GRIK1: variants seen among roughly 807,000 people sequenced by gnomAD.
The protein encoded by GRIK1 is glutamate receptor ionotropic, kainate 1.
In GRIK1, 69 loss-of-function variants were observed where a neutral mutation model predicts 105.7. The observed-to-expected ratio is 0.65, with a 90% confidence interval of 0.54 to 0.80. GRIK1 has a LOEUF of 0.80. Among genes scored for constraint, GRIK1 ranks in the 30% least tolerant of loss-of-function variants. The pLI is 0.00. For missense variants in GRIK1, 1,109 were observed against 1,167.3 expected (o/e 0.95, Z 0.73); for synonymous variants, 438 against 431.3 (o/e 1.02, Z -0.19).
intron 16 of GRIK1, 68 bp from the exon 17 acceptor site, chr21:29,537,952 G>T: frequency 1.3e-6 from 1 of 755,174 alleles, no homozygotes; most frequent in Non-Finnish European, 2.2e-6. Context: ...AGAGATTCTG[G>T]CAGCAGCAAT....
At chr21:29,633,964 C>A (rs989855536) in intron 7 of GRIK1, among the ~76,000 whole-genome samples, 1 of 152,128 alleles carries the variant, frequency 6.6e-6, no homozygotes, top group Non-Finnish European at 1.5e-5. Flanking sequence ...TCCTGGCAAT[C>A]GAGATCAAAT....
chr21:29,574,686 T>C (rs1296379171), intron 14 of GRIK1, among the ~76,000 whole-genome samples: 3 of 127,346 alleles, frequency 2.4e-5, no homozygotes, highest in African/African-American at 1.0e-4. Flanking sequence ...TACACTTCTT[T>C]TTTTTTTTTT....
chr21:29,915,078 A>G (rs1223775544), intron 1 of GRIK1, among the ~76,000 whole-genome samples: 2 of 151,252 alleles, frequency 1.3e-5, no homozygotes, highest in African/African-American at 2.5e-5. Flanking sequence ...ATGACTGTCA[A>G]TTAATTAATG....
intron 12 of GRIK1, among the ~76,000 whole-genome samples, chr21:29,586,771 A>G (rs2091138941): frequency 6.6e-6 from 1 of 152,242 alleles, no homozygotes; most frequent in African/African-American, 2.4e-5. Context: ...AATCATCTTA[A>G]TGATAGCACA....
At chr21:29,748,738 A>G (rs527371874) in intron 1 of GRIK1, 1 of 152,372 alleles carries the variant, frequency 6.6e-6, no homozygotes, top group South Asian at 2.1e-4. Flanking sequence ...AGCTACTGGT[A>G]GAAACAATTG....
intron 4 of GRIK1, 91 bp from the exon 5 acceptor site, chr21:29,654,954 T>G: frequency 1.2e-6 from 1 of 844,006 alleles, no homozygotes. Flanking sequence ...CTTGGAAACA[T>G]AGAACAGGAA....
intron 1 of GRIK1, among the ~76,000 whole-genome samples, chr21:29,867,918 A>AAG (rs1238378576): frequency 0.026 from 3,302 of 127,316 alleles, 119 homozygotes; most frequent in African/African-American, 0.085. Flanking sequence ...AAGAGAGAGA[A>AAG]AGAGAGAAAG....
At chr21:29,770,920 T>C (rs2065797325) in intron 1 of GRIK1, among the ~76,000 whole-genome samples, 1 of 152,224 alleles carries the variant, frequency 6.6e-6, no homozygotes, top group Non-Finnish European at 1.5e-5. Flanking sequence ...ATGTTCTTAT[T>C]ATTAAGTCTT....
At chr21:29,895,248 G>T (rs2070094182) in intron 1 of GRIK1, among the ~76,000 whole-genome samples, 1 of 152,164 alleles carries the variant, frequency 6.6e-6, no homozygotes, top group African/African-American at 2.4e-5. Flanking sequence ...CCAGGGGTAG[G>T]TTCACAGATG....
intron 6 of GRIK1, among the ~76,000 whole-genome samples, chr21:29,643,781 T>C (rs538895543): frequency 1.3e-4 from 20 of 152,352 alleles, no homozygotes; most frequent in African/African-American, 4.8e-4. Flanking sequence ...AGGGTTTCAT[T>C]GCAACTTCAA....
At chr21:29,923,273 T>C (rs2071249005) in intron 1 of GRIK1, among the ~76,000 whole-genome samples, 1 of 152,220 alleles carries the variant, frequency 6.6e-6, no homozygotes, top group South Asian at 2.1e-4. Flanking sequence ...AGTTGCAAGC[T>C]TTTCTCAGGC....
intron 13 of GRIK1, among the ~76,000 whole-genome samples, chr21:29,578,025 C>A (rs905684238): frequency 1.3e-5 from 2 of 152,172 alleles, no homozygotes; most frequent in Non-Finnish European, 2.9e-5. Context: ...AGTTTACTGT[C>A]ATAAAAGACA....
At chr21:29,876,890 A>G (rs770317445) in intron 1 of GRIK1, among the ~76,000 whole-genome samples, 24 of 152,168 alleles carry the variant, frequency 1.6e-4, no homozygotes, top group Admixed American at 7.2e-4. Context: ...CCAAAAATAT[A>G]CTCTACCTGA....
At chr21:29,551,491 T>C (rs1205918897) in intron 16 of GRIK1, among the ~76,000 whole-genome samples, 1 of 152,192 alleles carries the variant, frequency 6.6e-6, no homozygotes, top group East Asian at 1.9e-4. Flanking sequence ...AGGTCGATGA[T>C]GGATATCTAC....
intron 12 of GRIK1, 127 bp downstream of exon 12, chr21:29,587,239 C>T: frequency 1.8e-6 from 1 of 548,766 alleles, no homozygotes; most frequent in Non-Finnish European, 3.2e-6. Flanking sequence ...GGAAACCTTC[C>T]AAGAATAGAA....
At chr21:29,871,087 G>T (rs967433954) in intron 1 of GRIK1, among the ~76,000 whole-genome samples, 3 of 152,104 alleles carry the variant, frequency 2.0e-5, no homozygotes, top group African/African-American at 7.2e-5. Flanking sequence ...CTGCTTTGCT[G>T]CAATCCCTCT....
chr21:29,756,031 T>C (rs1447143541), intron 1 of GRIK1, among the ~76,000 whole-genome samples: 2 of 152,222 alleles, frequency 1.3e-5, no homozygotes, highest in East Asian at 3.8e-4. Context: ...TTTTGAGTTA[T>C]TTAAGTGGAT....
At chr21:29,596,685 G>C in intron 8 of GRIK1, 115 bp from the exon 9 acceptor site, 2 of 790,876 alleles carry the variant, frequency 2.5e-6, no homozygotes, top group Non-Finnish European at 4.5e-6. Context: ...CCCACCCATT[G>C]TTTGGAATTT....
chr21:29,685,056 C>T (rs1418856586), intron 3 of GRIK1, among the ~76,000 whole-genome samples: 1 of 152,088 alleles, frequency 6.6e-6, no homozygotes, highest in Non-Finnish European at 1.5e-5. Context: ...GCCTGCCTAT[C>T]TAATATCTAA....
Sources: allele counts gnomAD v4.1 joint callset (sites outside exome capture counted in the v4.1 genomes callset), GRCh38; gene constraint gnomAD v4.1.1; transcripts MANE v1.5; gene names NCBI Gene and HGNC (gene_info 2026-07-23, HGNC 2026-07-21).